The following RUNX3 variants were observed in gnomAD, a reference collection of about 807,000 sequenced individuals.
The protein encoded by RUNX3 is RUNX family transcription factor 3.
A neutral mutation model predicts 27.7 loss-of-function variants in RUNX3; 10 were observed. The ratio of observed to expected loss-of-function variants is 0.36; its 90% CI spans 0.22 to 0.61. The LOEUF (loss-of-function observed/expected upper bound fraction) is 0.61. Ranked by LOEUF, RUNX3 falls within the 20% of genes least tolerant of loss-of-function variation. The pLI, the probability that RUNX3 is intolerant of heterozygous loss-of-function variation, is 0.72. For missense variants in RUNX3, 469 were observed against 629.5 expected (o/e 0.75, Z 2.73); for synonymous variants, 270 against 269.2 (o/e 1.00, Z -0.03).
At chr1:24,937,860 T>C (rs540199082) in intron 2 of RUNX3, among the ~76,000 whole-genome samples, 6 of 152,344 alleles carry the variant, frequency 3.9e-5, no homozygotes, top group African/African-American at 1.4e-4. Context: ...TTATTAGCTC[T>C]TTCCATGCAG....
At chr1:24,959,862 G>T (rs939288707) in intron 2 of RUNX3, among the ~76,000 whole-genome samples, 5 of 152,074 alleles carry the variant, frequency 3.3e-5, no homozygotes, top group African/African-American at 1.2e-4. Context: ...CACTGCTAGG[G>T]GGACCTCGGC....
chr1:24,939,072 C>T (rs1009311426), intron 2 of RUNX3, among the ~76,000 whole-genome samples: 1 of 152,152 alleles, frequency 6.6e-6, no homozygotes, highest in African/African-American at 2.4e-5. Flanking sequence ...ATAAAGGCCC[C>T]TTTTCCAGGG....
In RUNX3 at chr1:24,901,997, C is replaced by A. The variant is rs1052775528; in HGVS notation, c.*125G>T. On this transcript the variant is annotated 3_prime_UTR_variant, in exon 5 of 5. Coordinates refer to ENST00000308873, the MANE Select transcript of RUNX3 (RefSeq NM_004350.3). ...CAGAGGCTCCCACCAGCTGGGACCA[C>A]CCTGGGACCGAGACCACCCTGGAGC... 19 of 913,628 alleles carry A rather than the reference C, an allele frequency of 2.1e-5. No individual in the cohort carries two copies. The highest frequency in any genetic ancestry group is 2.6e-5 in the Non-Finnish European group (16 of 623,574). 56.6% of individuals were successfully genotyped at this position (913,628 alleles called of 1,614,324 possible). A position where few individuals can be genotyped will look rare whatever the true frequency, so the allele number is the denominator to read the frequency against.
chr1:24,911,642 G>T (rs909733232), intron 3 of RUNX3, among the ~76,000 whole-genome samples: 1 of 152,246 alleles, frequency 6.6e-6, no homozygotes, highest in Non-Finnish European at 1.5e-5. Flanking sequence ...GGGGTGTGGA[G>T]GCCAGGATGC....
rs766202378 is a variant in RUNX3 at position 24,927,563 on chromosome 1, C to T, written c.439+11G>A. 6.2e-7 allele frequency: 1 copy of T among 1,613,934 alleles called. No individual in the cohort carries two copies. Among genetic ancestry groups the T allele is most frequent in the Non-Finnish European group, 8.5e-7 (1 of 1,179,894 alleles). On this transcript the variant is annotated intron_variant, in intron 2 of 4. Transcript: ENST00000308873. This position sits in a 1 kb window ranked among gnomAD's most constrained non-coding sequence, Gnocchi z 5.0. ...CCAATGCTGAAATGGCGAGGCCTCC[C>T]TTCCACTTACCTCGCCCACTGCGGC...
upstream of RUNX3, chr1:24,930,286 G>A (rs1641193675): frequency 1.0e-6 from 1 of 977,334 alleles, no homozygotes; most frequent in East Asian, 1.1e-4. The surrounding 1 kb of genome is among the most constrained non-coding windows in gnomAD (Gnocchi z 4.1). Context: ...CGGGGCCGCG[G>A]CCGCCCGCGC....
Position 24,962,734 on chromosome 1 carries a change from G to C in RUNX3, c.58+1780C>G, listed in dbSNP as rs931087794. ...TCTGCCCAGCGGCCTCCTGTCTCTG[G>C]GCGCATACATGACATGTTGGGCCAA... is the stretch of plus-strand genomic sequence containing the variant. On this transcript the variant is annotated intron_variant, in intron 2 of 6. Coordinates refer to the RUNX3 transcript ENST00000338888. The surrounding 1 kb of genome is among the most constrained non-coding windows in gnomAD (Gnocchi z 4.5). Among the ~76,000 whole-genome samples, 20 of 152,122 alleles carry C rather than the reference G, an allele frequency of 1.3e-4. No individual in the cohort carries two copies. The highest frequency in any genetic ancestry group is 1.2e-3 in the Admixed American group (18 of 15,268).
chr1:24,964,760 A>T, intron 1 of RUNX3: 1 of 1,409,046 alleles, frequency 7.1e-7, no homozygotes, highest in Non-Finnish European at 9.3e-7. Context: ...GAAAAAGAAA[A>T]AAGGAAAGAA....
At position 24,902,641 on chromosome 1, in the gene RUNX3, G is replaced by C; in HGVS notation, c.729C>G (p.Ser243=). 1.3e-6 allele frequency: 2 copies of C among 1,526,172 alleles called. No individual in the cohort carries two copies. Among genetic ancestry groups the C allele is most frequent in the Non-Finnish European group, 1.8e-6 (2 of 1,134,296 alleles). 94.5% of individuals were successfully genotyped at this position (1,526,172 alleles called of 1,614,324 possible). A position where few individuals can be genotyped will look rare whatever the true frequency, so the allele number is the denominator to read the frequency against. Residue 243 remains serine (S), a synonymous_variant, in exon 5 of 5, where the codon TCC becomes TCG. Coordinates refer to ENST00000308873, the MANE Select transcript of RUNX3 (RefSeq NM_004350.3). This position sits in a 1 kb window ranked among gnomAD's most constrained non-coding sequence, Gnocchi z 9.2. ...AGGAGCGGTCAAACTGGCGGGGGTC[G>C]GAGAATGGGTTCAGTTCCGAGGTGC... ...IQGTSELNPF[S]DPRQFDRSFP...
At chr1:24,948,784 G>A (rs1641681312) in intron 2 of RUNX3, among the ~76,000 whole-genome samples, 1 of 152,054 alleles carries the variant, frequency 6.6e-6, no homozygotes, top group East Asian at 1.9e-4. Flanking sequence ...CAGGACAAGG[G>A]TACATGTGGG....
intron 2 of RUNX3, among the ~76,000 whole-genome samples, chr1:24,959,186 C>T (rs1010789906): frequency 2.0e-5 from 3 of 152,240 alleles, no homozygotes; most frequent in Non-Finnish European, 4.4e-5. Flanking sequence ...CAGGCCCAGG[C>T]GTCAATGAGC....
chr1:24,924,579 T>C (rs1345039476), intron 2 of RUNX3, among the ~76,000 whole-genome samples: 3 of 152,158 alleles, frequency 2.0e-5, no homozygotes, highest in African/African-American at 7.2e-5. Flanking sequence ...GATTGAGCCC[T>C]GCCACCCTGC....
At chr1:24,921,183 A>G (rs1481113773) in intron 2 of RUNX3, among the ~76,000 whole-genome samples, 2 of 152,214 alleles carry the variant, frequency 1.3e-5, no homozygotes, top group Non-Finnish European at 2.9e-5. Flanking sequence ...CCCACGTTGC[A>G]GGTGGGAGAT....
In RUNX3 at chr1:24,901,868, T is replaced by G; in HGVS notation, c.*254A>C. The G allele has an allele frequency of 4.2e-6, 2 of 475,524 alleles. No homozygotes were observed. Among genetic ancestry groups the G allele is most frequent in the Non-Finnish European group, 3.7e-6 (1 of 267,824 alleles). 29.5% of individuals were successfully genotyped at this position (475,524 alleles called of 1,614,324 possible). On this transcript the variant is annotated 3_prime_UTR_variant, in exon 5 of 5. Coordinates refer to ENST00000308873, the MANE Select transcript of RUNX3 (RefSeq NM_004350.3). The stretch of plus-strand genomic sequence containing the variant: ...GCAGGAGGCTGATTCCCCACAGAAG[T>G]ATGGGATGAGACGGCCAGGATCTGG...
chr1:24,919,125 A>G (rs1640944821), intron 3 of RUNX3, 115 bp downstream of exon 3: 2 of 620,610 alleles, frequency 3.2e-6, no homozygotes, highest in Non-Finnish European at 5.5e-6. Context: ...GGGGGCACAG[A>G]GCCAAGGACT....
chr1:24,929,534 A>G (rs996938140), intron 1 of RUNX3, 53 bp downstream of exon 1: 9 of 1,512,248 alleles, frequency 6.0e-6, no homozygotes, highest in Admixed American at 5.7e-5. Flanking sequence ...CCCGCAGCTC[A>G]GACGCCCGGA....
At chr1:24,945,366 A>G (rs1362751657) in intron 2 of RUNX3, among the ~76,000 whole-genome samples, 1 of 152,224 alleles carries the variant, frequency 6.6e-6, no homozygotes, top group Non-Finnish European at 1.5e-5. Flanking sequence ...ATAGATAAGC[A>G]AATGAATTCA....
intron 2 of RUNX3, among the ~76,000 whole-genome samples, chr1:24,936,486 G>T (rs1641352611): frequency 6.6e-6 from 1 of 152,204 alleles, no homozygotes; most frequent in Admixed American, 6.5e-5. Flanking sequence ...CTGTGGGCAG[G>T]ATTCGGAATT....
At chr1:24,957,863 C>A (rs1641985607) in intron 2 of RUNX3, among the ~76,000 whole-genome samples, 1 of 152,224 alleles carries the variant, frequency 6.6e-6, no homozygotes, top group South Asian at 2.1e-4. Flanking sequence ...GAGGAAGTGG[C>A]AGAGCCTGGC....
Sources: allele counts gnomAD v4.1 joint callset (sites outside exome capture counted in the v4.1 genomes callset), GRCh38; gene constraint gnomAD v4.1.1; non-coding constraint Gnocchi (gnomAD v3.1); transcripts MANE v1.5; gene names NCBI Gene and HGNC (gene_info 2026-07-23, HGNC 2026-07-21).